ETV5: variants seen among roughly 807,000 people sequenced by gnomAD.
ETV5 encodes the protein ETS variant transcription factor 5.
A neutral mutation model predicts 70.0 loss-of-function variants in ETV5; 10 were observed. That is an observed-to-expected ratio of 0.14 (90% CI 0.09 to 0.24). The LOEUF (loss-of-function observed/expected upper bound fraction) is 0.24, where lower values mean the gene tolerates loss of function less well. Ranked by LOEUF, ETV5 falls within the 10% of genes least tolerant of loss-of-function variation. The pLI is 1.00. For synonymous variants in ETV5, 216 were observed against 242.2 expected (o/e 0.89, Z 1.01); for missense variants, 453 against 651.2 (o/e 0.70, Z 3.31).
intron 7 of ETV5, among the ~76,000 whole-genome samples, 190 bp from the exon 8 acceptor site, chr3:186,066,262 C>CGAAAAAAAAA (rs1713440879): frequency 1.1e-5 from 1 of 94,888 alleles, no homozygotes; most frequent in African/African-American, 4.1e-5. Flanking sequence ...CAGGAAGTGG[C>CGAAAAAAAAA]AAAAAAAAAA....
In ETV5 at chr3:186,079,871, T is replaced by C; in HGVS notation, c.596A>G (p.Gln199Arg). ...QTFAVPRPPH[Q>R]PLQMPKMMPE... ...CATCATCTTTGGCATCTGCAGGGGCTGATGTGGTGGTCGGGGGACCGCAAA... is the reference window on the plus strand; with the variant it reads ...CATCATCTTTGGCATCTGCAGGGGCCGATGTGGTGGTCGGGGGACCGCAAA... The change falls in exon 7 of 13, where the codon CAG becomes CGG. Residue 199 changes from glutamine (Q) to arginine (R), a missense_variant. Transcript: ENST00000306376. The C allele has an allele frequency of 6.2e-7, 1 of 1,605,212 alleles. No homozygotes were observed. The highest frequency in any genetic ancestry group is 8.5e-7 in the Non-Finnish European group (1 of 1,177,148).
chr3:186,071,226 C>T (rs1255598917), intron 7 of ETV5, among the ~76,000 whole-genome samples: 1 of 151,840 alleles, frequency 6.6e-6, no homozygotes, highest in African/African-American at 2.4e-5. Flanking sequence ...AAGGATCTGA[C>T]AGAGGTTATA....
intron 7 of ETV5, among the ~76,000 whole-genome samples, chr3:186,072,065 G>T (rs1713653788): frequency 6.9e-6 from 1 of 145,142 alleles, no homozygotes; most frequent in Non-Finnish European, 1.5e-5. Flanking sequence ...CTCCCAAAGT[G>T]CTAGGATTAC....
rs1166969821 is a variant in ETV5 at position 186,048,333 on chromosome 3, C to G, written c.*306G>C. 2 of 436,416 alleles carry G rather than the reference C, an allele frequency of 4.6e-6. No homozygotes were observed. The highest frequency in any genetic ancestry group is 8.4e-6 in the Non-Finnish European group (2 of 237,716). 27.0% of individuals were successfully genotyped at this position (436,416 alleles called of 1,614,324 possible). On this transcript the variant is annotated 3_prime_UTR_variant, in exon 13 of 13. Coordinates refer to ENST00000306376, the MANE Select transcript of ETV5 (RefSeq NM_004454.3). ...CCCGTTTTGCGGGTACTAACCTGAACAAGATATTGCTTTGCATGTATTGTC... is the reference window on the plus strand; with the variant it reads ...CCCGTTTTGCGGGTACTAACCTGAAGAAGATATTGCTTTGCATGTATTGTC...
chr3:186,066,372 A>G (rs566352394), intron 7 of ETV5, among the ~76,000 whole-genome samples: 1 of 152,118 alleles, frequency 6.6e-6, no homozygotes, highest in South Asian at 2.1e-4. Flanking sequence ...ATGTATCTGA[A>G]TATATGAGAC....
rs1171918339 is a variant in ETV5 at position 186,065,935 on chromosome 3, T to C, written c.788A>G (p.Lys263Arg). 1 of 1,613,016 alleles carries C rather than the reference T, an allele frequency of 6.2e-7. No homozygotes were observed. ...ATAGAGTGGGTCATGGTATTCTTGT[T>C]TGAATCCCTGAGGGGGCGGGGGAGC... The part of the protein sequence containing the change: ...PAAPPPPQGF[K>R]QEYHDPLYEH... The change falls in exon 8 of 13, where the codon AAA becomes AGA. Residue 263 changes from lysine to arginine, a missense_variant. By Grantham distance (26) the Lys-to-Arg change is conservative. Transcript: ENST00000306376.
chr3:186,080,522 A>G, intron 6 of ETV5: 1 of 234,398 alleles, frequency 4.3e-6, no homozygotes, highest in Admixed American at 5.6e-5. Flanking sequence ...GTGCTGTGAC[A>G]TCATTTGAAT....
intron 5 of ETV5, among the ~76,000 whole-genome samples, chr3:186,098,077 C>A (rs993364373): frequency 6.6e-6 from 1 of 152,216 alleles, no homozygotes; most frequent in Non-Finnish European, 1.5e-5. Context: ...GAAATTCAGA[C>A]ACGGCAGGGG....
At chr3:186,059,789 G>T (rs1231758018) in intron 9 of ETV5, among the ~76,000 whole-genome samples, 1 of 152,064 alleles carries the variant, frequency 6.6e-6, no homozygotes, top group African/African-American at 2.4e-5. Context: ...ATCGTATCTT[G>T]GTATCTTAGT....
intron 9 of ETV5, among the ~76,000 whole-genome samples, chr3:186,059,005 T>C (rs1713237134): frequency 2.1e-5 from 3 of 142,494 alleles, no homozygotes; most frequent in Non-Finnish European, 3.0e-5. Context: ...AGAGAGAGGC[T>C]CTGTCTCAAA....
intron 5 of ETV5, among the ~76,000 whole-genome samples, chr3:186,099,020 A>G (rs1714383033): frequency 1.3e-5 from 2 of 152,016 alleles, no homozygotes; most frequent in South Asian, 4.2e-4. Flanking sequence ...GGAATCTTGC[A>G]CTCTCTGCTT....
intron 5 of ETV5, among the ~76,000 whole-genome samples, chr3:186,096,962 G>C (rs1714317462): frequency 6.6e-6 from 1 of 152,076 alleles, no homozygotes; most frequent in Non-Finnish European, 1.5e-5. Context: ...GAGGCCATGA[G>C]TTTCAGACCA....
At position 186,048,397 on chromosome 3, in the gene ETV5, C is replaced by G. The variant is rs1712933568; in HGVS notation, c.*242G>C. ...CTCCATTTTGATCTCTTCCCAGAAACCTCATCAGAATCAAGAGTTGAGGCA... is the reference window on the plus strand; with the variant it reads ...CTCCATTTTGATCTCTTCCCAGAAAGCTCATCAGAATCAAGAGTTGAGGCA... On this transcript the variant is annotated 3_prime_UTR_variant, in exon 13 of 13. Transcript: ENST00000306376. The G allele has an allele frequency of 1.8e-6, 1 of 544,916 alleles. No individual in the cohort carries two copies. The highest frequency in any genetic ancestry group is 3.3e-6 in the Non-Finnish European group (1 of 302,860). 33.8% of individuals were successfully genotyped at this position (544,916 alleles called of 1,614,324 possible). A position where few individuals can be genotyped will look rare whatever the true frequency, so the allele number is the denominator to read the frequency against.
chr3:186,101,772 C>G (rs1714465064), intron 5 of ETV5, among the ~76,000 whole-genome samples: 1 of 152,198 alleles, frequency 6.6e-6, no homozygotes, highest in East Asian at 1.9e-4. Context: ...CACTACTGGT[C>G]AGTCTCTTCA....
At chr3:186,058,515 C>T (rs779830127) in intron 9 of ETV5, among the ~76,000 whole-genome samples, 1 of 152,106 alleles carries the variant, frequency 6.6e-6, no homozygotes, top group Non-Finnish European at 1.5e-5. Context: ...TTGGATAATG[C>T]AGTGGGGGCA....
At position 186,079,993 on chromosome 3, in the gene ETV5, G is replaced by C. The variant is rs747943671; in HGVS notation, c.474C>G (p.Pro158=). The change falls in exon 7 of 13, where the codon CCC becomes CCG. Residue 158 remains proline (P), a synonymous_variant. Transcript: ENST00000306376. ...CAGCTGCAGGGGCATGCCCTGAGGT[G>C]GGCAGAGTTGCCTGAGGTGGGGGAA... ...PLFPPPQATL[P]TSGHAPAAGP... 6.4e-7 allele frequency: 1 copy of C among 1,564,868 alleles called. No individual in the cohort carries two copies. Among genetic ancestry groups the C allele is most frequent in the African/African-American group, 1.4e-5 (1 of 71,858 alleles).
At chr3:186,104,412 C>A (rs1195382307) in intron 5 of ETV5, among the ~76,000 whole-genome samples, 1 of 152,154 alleles carries the variant, frequency 6.6e-6, no homozygotes, top group African/African-American at 2.4e-5. Context: ...GAAAAAGTTT[C>A]TCTTCTCTGA....
chr3:186,050,904 G>A (rs1713011991), intron 12 of ETV5, among the ~76,000 whole-genome samples: 1 of 152,214 alleles, frequency 6.6e-6, no homozygotes, highest in Non-Finnish European at 1.5e-5. Flanking sequence ...AATGTTCTAG[G>A]TCTTAAGTAG....
intron 5 of ETV5, among the ~76,000 whole-genome samples, chr3:186,087,838 A>AT (rs200220422): frequency 0.01 from 1,486 of 143,656 alleles, 7 homozygotes; most frequent in East Asian, 0.019. Flanking sequence ...ATTCAAAAGC[A>AT]TTTTTTTTTT....
Sources: gnomAD v4.1 joint callset for allele counts (sites outside exome capture counted in the v4.1 genomes callset) on GRCh38, gnomAD v4.1.1 for gene constraint, MANE v1.5 for transcripts, NCBI Gene and HGNC (gene_info 2026-07-23, HGNC 2026-07-21) for gene names.